The following RFX2 variants were observed in gnomAD, a reference collection of about 807,000 sequenced individuals.
RFX2 encodes the protein DNA-binding protein RFX2.
In RFX2, 20 loss-of-function variants were observed where a neutral mutation model predicts 87.8. The ratio of observed to expected loss-of-function variants is 0.23; its 90% CI spans 0.16 to 0.33. The LOEUF (loss-of-function observed/expected upper bound fraction) is 0.33, where lower values mean the gene tolerates loss of function less well. Among genes scored for constraint, RFX2 ranks in the 10% least tolerant of loss-of-function variants. The pLI is 1.00. For synonymous variants in RFX2, 397 were observed against 431.3 expected, an observed-to-expected ratio of 0.92 and a Z score of 0.98; for missense variants, 767 against 1,012.3, an observed-to-expected ratio of 0.76 and a Z score of 3.29.
At chr19:5,996,320 G>C (rs1411452636) in intron 16 of RFX2, among the ~76,000 whole-genome samples, 1 of 39,904 alleles carries the variant, frequency 2.5e-5, no homozygotes, top group Non-Finnish European at 5.0e-5. Context: ...GAGCGACCGT[G>C]CAGCACGGAG....
rs907911452 is a variant in RFX2, at chr19:6,002,997, G to T, written c.1501-127C>A. 4.8e-5 allele frequency: 50 copies of T among 1,040,174 alleles called. No individual in the cohort carries two copies. In the African/African-American group the frequency reaches 7.0e-4, roughly 15 times the overall value. The allele number at this position is 1,040,174 out of a possible 1,614,324, so 64.4% of individuals were successfully genotyped here. On this transcript the variant is annotated intron_variant, in intron 13 of 17. Transcript: ENST00000303657. The surrounding 1 kb of genome is among the most constrained non-coding windows in gnomAD (Gnocchi z 6.7). Reference sequence around the variant, plus strand: ...GGAGCAGGAAACAGCAACCTGGGCAGGGAAGAGGGAACCTCCTGCTATTCT... The same window carrying T: ...GGAGCAGGAAACAGCAACCTGGGCATGGAAGAGGGAACCTCCTGCTATTCT...
intron 17 of RFX2, among the ~76,000 whole-genome samples, chr19:5,995,211 C>T (rs1201064011): frequency 1.3e-5 from 2 of 152,236 alleles, no homozygotes; most frequent in Non-Finnish European, 2.9e-5. Flanking sequence ...GGCCTGGGGC[C>T]TGCTCCCCAC....
intron 1 of RFX2, among the ~76,000 whole-genome samples, chr19:6,105,607 G>A (rs538791734): frequency 9.2e-5 from 14 of 152,246 alleles, no homozygotes; most frequent in African/African-American, 3.1e-4. Flanking sequence ...AACAGGCCCC[G>A]TCTGGCTGCT....
rs764616921 is a variant in RFX2 at position 6,016,284 on chromosome 19, A to G, written c.598-13T>C. On this transcript the variant is annotated splice_polypyrimidine_tract_variant and intron_variant, in intron 6 of 17. Coordinates refer to ENST00000303657, the MANE Select transcript of RFX2 (RefSeq NM_000635.4). This position sits in a 1 kb window ranked among gnomAD's most constrained non-coding sequence, Gnocchi z 5.4. ...ACAGCCACTGGAGCTGTAAAAAGAA[A>G]GACACGTCTGCGTTTGTCAGAAGCC... 1 of 1,585,568 alleles carries G rather than the reference A, an allele frequency of 6.3e-7. No individual in the cohort carries two copies. The highest frequency in any genetic ancestry group is 8.6e-7 in the Non-Finnish European group (1 of 1,162,026).
At chr19:6,081,035 CAA>C (rs537462734) in intron 1 of RFX2, among the ~76,000 whole-genome samples, 12,076 of 89,448 alleles carry the variant, frequency 0.14, 557 homozygotes, top group Middle Eastern at 0.17. Flanking sequence ...GACTCCATCT[CAA>C]AAAAAAAAAA....
chr19:6,034,944 G>A (rs149297273), intron 5 of RFX2, among the ~76,000 whole-genome samples: 10 of 152,160 alleles, frequency 6.6e-5, no homozygotes, highest in African/African-American at 2.2e-4. Flanking sequence ...CCCTTCTTGG[G>A]CAAAAAGAAA....
At chr19:6,070,790 C>G (rs963368921) in intron 1 of RFX2, among the ~76,000 whole-genome samples, 4 of 152,234 alleles carry the variant, frequency 2.6e-5, no homozygotes, top group Non-Finnish European at 5.9e-5. Flanking sequence ...CAGCCTCAAA[C>G]TCCTGGGCCC....
chr19:6,067,553 G>T (rs1162455257), intron 1 of RFX2, among the ~76,000 whole-genome samples: 1 of 152,214 alleles, frequency 6.6e-6, no homozygotes, highest in African/African-American at 2.4e-5. Context: ...GGGCAATCTC[G>T]ACCCATGAAG....
rs1448772085 is a variant in RFX2, at chr19:6,016,854, C to T, written c.598-583G>A. 1.3e-5 allele frequency among the ~76,000 whole-genome samples: 2 copies of T among 152,168 alleles called. No homozygotes were observed. The highest frequency in any genetic ancestry group is 2.4e-5 in the African/African-American group (1 of 41,428). ...ATCAGGAACTATTAGCTTCTGTCTT[C>T]AGTCCCTTAAATGAAATACCCACAC... On this transcript the variant is annotated intron_variant, in intron 6 of 17. Coordinates refer to ENST00000303657, the MANE Select transcript of RFX2 (RefSeq NM_000635.4). The surrounding 1 kb of genome is among the most constrained non-coding windows in gnomAD (Gnocchi z 5.4).
chr19:6,047,619 G>A lies in RFX2; in HGVS notation c.-8-115C>T, dbSNP rs1240369191. On this transcript the variant is annotated intron_variant, in intron 1 of 17. Coordinates refer to ENST00000303657, the MANE Select transcript of RFX2 (RefSeq NM_000635.4). The surrounding 1 kb of genome is among the most constrained non-coding windows in gnomAD (Gnocchi z 4.2). ...GTAACCAGCTACATTCTTCAAAGTC[G>A]AAAGGCAGAGACCCTGGTGGTACTG... The A allele has an allele frequency of 5.5e-5, 44 of 805,306 alleles. No homozygotes were observed. In the East Asian group the frequency reaches 8.9e-4, roughly 16 times the overall value. 49.9% of individuals were successfully genotyped at this position (805,306 alleles called of 1,614,324 possible). A position where few individuals can be genotyped will look rare whatever the true frequency, so the allele number is the denominator to read the frequency against.
In RFX2 at chr19:6,004,177, G is replaced by A. The variant is rs373819971; in HGVS notation, c.1500+24C>T. On this transcript the variant is annotated intron_variant, in intron 13 of 17. Transcript: ENST00000303657. This position sits in a 1 kb window ranked among gnomAD's most constrained non-coding sequence, Gnocchi z 4.8. ...AGCCCCTCCCAGCCATCGTTGGGGA[G>A]CCCAGGCCCCACCCCGGACGCACCT... The A allele has an allele frequency of 1.9e-5, 30 of 1,585,298 alleles. No homozygotes were observed. Among genetic ancestry groups the A allele is most frequent in the Non-Finnish European group, 2.5e-5 (29 of 1,153,836 alleles).
At position 6,007,176 on chromosome 19, in the gene RFX2, G is replaced by A. The variant is rs1482751132; in HGVS notation, c.1248-10C>T. On this transcript the variant is annotated splice_polypyrimidine_tract_variant and intron_variant, in intron 11 of 17. Transcript: ENST00000303657. This position sits in a 1 kb window ranked among gnomAD's most constrained non-coding sequence, Gnocchi z 8.2. ...CTCGGGGTCTTCGTCACTGTGGAGG[G>A]AGGGGGGACAGGTGAGCTGTGGCCT... The A allele has an allele frequency of 1.9e-6, 3 of 1,612,108 alleles. No individual in the cohort carries two copies. Among genetic ancestry groups the A allele is most frequent in the Non-Finnish European group, 2.5e-6 (3 of 1,179,242 alleles).
chr19:6,009,577 CTTTT>C (rs550863151), intron 9 of RFX2, among the ~76,000 whole-genome samples: 3 of 147,866 alleles, frequency 2.0e-5, no homozygotes, highest in Non-Finnish European at 4.5e-5. Context: ...AGCGTTCTTT[CTTTT>C]TTTTTTTCTT....
rs1380586504 is a variant in RFX2 at position 6,045,286 on chromosome 19, T to C, written c.91-1004A>G. ...GGAGAATTCACAGGGTCCTGGCAAG[T>C]CCTCAGAGAGGGACCACAGTGATGA... is the stretch of plus-strand genomic sequence containing the variant. On this transcript the variant is annotated intron_variant, in intron 2 of 17. Coordinates refer to ENST00000303657, the MANE Select transcript of RFX2 (RefSeq NM_000635.4). This position sits in a 1 kb window ranked among gnomAD's most constrained non-coding sequence, Gnocchi z 5.2. Among the ~76,000 whole-genome samples, 1 of 152,124 alleles carries C rather than the reference T, an allele frequency of 6.6e-6. No homozygotes were observed. The highest frequency in any genetic ancestry group is 2.4e-5 in the African/African-American group (1 of 41,436).
At chr19:6,087,663 A>C (rs1347556302) in intron 1 of RFX2, among the ~76,000 whole-genome samples, 1 of 152,148 alleles carries the variant, frequency 6.6e-6, no homozygotes, top group Non-Finnish European at 1.5e-5. Flanking sequence ...AATTCCTAGC[A>C]ATGCCTTCAC....
At position 6,045,125 on chromosome 19, in the gene RFX2, A is replaced by G. The variant is rs1220342978; in HGVS notation, c.91-843T>C. On this transcript the variant is annotated intron_variant, in intron 2 of 17. Coordinates refer to ENST00000303657, the MANE Select transcript of RFX2 (RefSeq NM_000635.4). The surrounding 1 kb of genome is among the most constrained non-coding windows in gnomAD (Gnocchi z 5.2). ...TCACAGGTAGCAGTGACTGCCATATATACATCACGAGGGGTGATGGGTGAG... is the reference window on the plus strand; with the variant it reads ...TCACAGGTAGCAGTGACTGCCATATGTACATCACGAGGGGTGATGGGTGAG... Among the ~76,000 whole-genome samples the G allele has an allele frequency of 6.6e-6, 1 of 152,182 alleles. No individual in the cohort carries two copies. Among genetic ancestry groups the G allele is most frequent in the Non-Finnish European group, 1.5e-5 (1 of 68,036 alleles).
chr19:6,044,634 G>C lies in RFX2; in HGVS notation c.91-352C>G, dbSNP rs941481712. On this transcript the variant is annotated intron_variant, in intron 2 of 17. Transcript: ENST00000303657. The surrounding 1 kb of genome is among the most constrained non-coding windows in gnomAD (Gnocchi z 5.3). ...CACCCGCCCAGGCAGCTTTGCCTCTGTGGGTCTGTAGTCTGCAGCAAGGTG... is the reference window on the plus strand; with the variant it reads ...CACCCGCCCAGGCAGCTTTGCCTCTCTGGGTCTGTAGTCTGCAGCAAGGTG... Among the ~76,000 whole-genome samples, 1 of 152,214 alleles carries C rather than the reference G, an allele frequency of 6.6e-6. No individual in the cohort carries two copies. Among genetic ancestry groups the C allele is most frequent in the African/African-American group, 2.4e-5 (1 of 41,468 alleles).
chr19:6,077,832 T>TAAAAG (rs2087714423), intron 1 of RFX2, among the ~76,000 whole-genome samples: 1 of 151,570 alleles, frequency 6.6e-6, no homozygotes, highest in African/African-American at 2.4e-5. Flanking sequence ...AATACAAAAT[T>TAAAAG]AGCCGGGCGT....
At chr19:6,086,241 T>A (rs1458574624) in intron 1 of RFX2, among the ~76,000 whole-genome samples, 1 of 152,122 alleles carries the variant, frequency 6.6e-6, no homozygotes, top group Non-Finnish European at 1.5e-5. Context: ...AATACGGCCA[T>A]GAGTCGCTTC....
Sources: gnomAD v4.1 joint callset for allele counts (sites outside exome capture counted in the v4.1 genomes callset) on GRCh38, gnomAD v4.1.1 for gene constraint, Gnocchi (gnomAD v3.1) non-coding constraint, MANE v1.5 for transcripts, NCBI Gene and HGNC (gene_info 2026-07-23, HGNC 2026-07-21) for gene names.